NFIB: variants seen among roughly 807,000 people sequenced by gnomAD.
NFIB encodes the protein nuclear factor 1 B-type.
A neutral mutation model predicts 61.5 loss-of-function variants in NFIB; 11 were observed. The ratio of observed to expected loss-of-function variants is 0.18; its 90% CI spans 0.11 to 0.30. The LOEUF is 0.30. NFIB is among the 10% of genes least tolerant of loss of function. The pLI, the probability that NFIB is intolerant of heterozygous loss-of-function variation, is 1.00. For missense variants in NFIB, 471 were observed against 608.9 expected (o/e 0.77, Z 2.38); for synonymous variants, 260 against 216.5 (o/e 1.20, Z -1.76).
chr9:14,420,588 C>G, the NFIB span, among the ~76,000 whole-genome samples: 1 of 151,498 alleles, frequency 6.6e-6, no homozygotes, highest in East Asian at 1.9e-4. Flanking sequence ...GCAAAAACAA[C>G]AGATGTAAAT....
chr9:14,350,467 C>T (rs759937380), intron 1 of NFIB, among the ~76,000 whole-genome samples: 10 of 151,888 alleles, frequency 6.6e-5, no homozygotes, highest in Non-Finnish European at 1.5e-4. Flanking sequence ...TGCAAATCGC[C>T]ACCCCCGCTG....
At chr9:14,432,746 G>T in the NFIB span, among the ~76,000 whole-genome samples, 1 of 152,200 alleles carries the variant, frequency 6.6e-6, no homozygotes, top group Non-Finnish European at 1.5e-5. Context: ...AGACCTCAGA[G>T]TAGAAAATAG....
intron 2 of NFIB, among the ~76,000 whole-genome samples, chr9:14,245,982 ACT>A (rs1314048734): frequency 6.6e-6 from 1 of 151,762 alleles, no homozygotes; most frequent in Non-Finnish European, 1.5e-5. Context: ...AATATCCATC[ACT>A]CTAGAGGAGT....
intron 2 of NFIB, among the ~76,000 whole-genome samples, chr9:14,188,644 C>T (rs376698999): frequency 2.6e-5 from 4 of 152,170 alleles, no homozygotes; most frequent in East Asian, 3.8e-4. Context: ...TAGATGAACA[C>T]GCCACTGCGT....
intron 2 of NFIB, among the ~76,000 whole-genome samples, chr9:14,272,536 T>C (rs1290163022): frequency 6.6e-6 from 1 of 152,058 alleles, no homozygotes; most frequent in Admixed American, 6.6e-5. Context: ...AAAGAACTTT[T>C]TAAATTCTTT....
chr9:14,165,964 T>C (rs1263514766), intron 3 of NFIB, among the ~76,000 whole-genome samples: 1 of 152,176 alleles, frequency 6.6e-6, no homozygotes. Flanking sequence ...CACTACTGTA[T>C]TGTACACTTA....
At chr9:14,323,048 C>T (rs2060700563) in intron 1 of NFIB, among the ~76,000 whole-genome samples, 2 of 152,240 alleles carry the variant, frequency 1.3e-5, no homozygotes, top group African/African-American at 4.8e-5. Context: ...TCCTCACTTC[C>T]CGCCACGTTG....
Position 14,201,922 on chromosome 9 carries a change from C to T in NFIB, c.563-22142G>A, listed in dbSNP as rs796090594. 1.1e-4 allele frequency among the ~76,000 whole-genome samples: 16 copies of T among 152,062 alleles called. 1 individual carries two copies. The highest frequency in any genetic ancestry group is 3.6e-4 in the African/African-American group (15 of 41,464). On this transcript the variant is annotated intron_variant, in intron 2 of 10. Transcript: ENST00000380953. ...TTATTTTTTTGAAAAGGACTGAACA[C>T]CTACAGTGGTCCATGTATCATCCTT...
At position 14,109,512 on chromosome 9, in the gene NFIB, CA is replaced by C. The variant is rs2037038772; in HGVS notation, c.1467+3486del. ...GCCAAAGCAGGACCCATGAGTTCTT[CA>C]AGCCACCAAAACCATCTTCCAATAG... On this transcript the variant is annotated intron_variant, in intron 10 of 10. Transcript: ENST00000380953. Among the ~76,000 whole-genome samples the C allele has an allele frequency of 3.3e-5, 5 of 152,028 alleles. No homozygotes were observed. The South Asian group carries it at 1.0e-3, about 31-fold the overall frequency.
intron 1 of NFIB, chr9:14,357,209 A>C (rs562691297): frequency 6.6e-5 from 10 of 152,294 alleles, no homozygotes; most frequent in African/African-American, 2.2e-4. Context: ...AATTAACTTC[A>C]TTGGCTTCTA....
chr9:14,251,862 A>G (rs542807393), intron 2 of NFIB, among the ~76,000 whole-genome samples: 1 of 152,370 alleles, frequency 6.6e-6, no homozygotes, highest in South Asian at 2.1e-4. Context: ...GGAGAGGAAA[A>G]CAACAGAAAA....
intron 2 of NFIB, among the ~76,000 whole-genome samples, chr9:14,277,320 C>T (rs943655290): frequency 4.9e-5 from 7 of 141,588 alleles, no homozygotes; most frequent in Non-Finnish European, 6.1e-5. Flanking sequence ...TGTGCACCCG[C>T]GCACACACGT....
chr9:14,237,842 AGTGTGTGTGTGTGTGTGTGT>A (rs200054648), intron 2 of NFIB, among the ~76,000 whole-genome samples: 2 of 52,520 alleles, frequency 3.8e-5, no homozygotes, highest in South Asian at 1.0e-3. Context: ...TAGGTATAAC[AGTGTGTGTGTGTGTGTGTGT>A]GTGTGTGTGT....
At chr9:14,398,716 A>G in exon 1 of NFIB, 1 of 942,466 alleles carries the variant, frequency 1.1e-6, no homozygotes, top group Non-Finnish European at 1.6e-6. Context: ...CAGGTCACCG[A>G]GTACCTTAGC....
chr9:14,153,514 T>A (rs966253789), intron 4 of NFIB, among the ~76,000 whole-genome samples: 1 of 152,062 alleles, frequency 6.6e-6, no homozygotes, highest in African/African-American at 2.4e-5. Context: ...CCAAAGAACC[T>A]CAGATTCTAA....
At chr9:14,267,826 C>A (rs1305786094) in intron 2 of NFIB, among the ~76,000 whole-genome samples, 1 of 152,122 alleles carries the variant, frequency 6.6e-6, no homozygotes, top group African/African-American at 2.4e-5. Context: ...AAATACGTAG[C>A]CTGTTTTAGG....
At chr9:14,206,275 C>G (rs1407074261) in intron 2 of NFIB, among the ~76,000 whole-genome samples, 3 of 151,600 alleles carry the variant, frequency 2.0e-5, no homozygotes, top group Non-Finnish European at 4.4e-5. Context: ...TCCCAAGGTT[C>G]AAACAATCCT....
At chr9:14,297,123 G>A (rs575922500) in intron 2 of NFIB, among the ~76,000 whole-genome samples, 42 of 152,254 alleles carry the variant, frequency 2.8e-4, no homozygotes, top group Middle Eastern at 3.4e-3. Flanking sequence ...AAATTCTTTC[G>A]ATGTAGGAAC....
chr9:14,370,215 C>G (rs2061344175), intron 1 of NFIB, among the ~76,000 whole-genome samples: 1 of 152,156 alleles, frequency 6.6e-6, no homozygotes. Context: ...CCACTCTTAC[C>G]CCCATCGGAC....
Sources: allele counts gnomAD v4.1 joint callset (sites outside exome capture counted in the v4.1 genomes callset), GRCh38; gene constraint gnomAD v4.1.1; transcripts MANE v1.5; gene names NCBI Gene and HGNC (gene_info 2026-07-23, HGNC 2026-07-21).